GALNT9: variants seen among roughly 807,000 people sequenced by gnomAD.
GALNT9 encodes the protein GalNAc transferase 9.
A neutral mutation model predicts 63.1 loss-of-function variants in GALNT9; 47 were observed. That is an observed-to-expected ratio of 0.75 (90% confidence interval 0.59 to 0.95). GALNT9 has a LOEUF of 0.95. Among genes scored for constraint, GALNT9 ranks in the 40% least tolerant of loss-of-function variants. GALNT9 has a pLI of 0.00. For synonymous variants in GALNT9, 396 were observed against 365.7 expected, an observed-to-expected ratio of 1.08 and a Z score of -0.94; for missense variants, 829 against 874.8, an observed-to-expected ratio of 0.95 and a Z score of 0.66.
intron 1 of GALNT9, among the ~76,000 whole-genome samples, chr12:132,305,241 GCACAGAATCGCCCAGA>G (rs1881545279): frequency 2.0e-5 from 1 of 50,788 alleles, no homozygotes; most frequent in Non-Finnish European, 3.2e-5. Flanking sequence ...CCTCACCCGG[GCACAGAATCGCCCAGA>G]CACACCCTCA....
At chr12:132,300,056 A>T (rs1359321260) in intron 1 of GALNT9, among the ~76,000 whole-genome samples, 2 of 137,620 alleles carry the variant, frequency 1.5e-5, no homozygotes, top group Non-Finnish European at 3.1e-5. Flanking sequence ...ACCACACCTA[A>T]CCCATCCCTG....
At chr12:132,277,308 G>A (rs1371137304) in intron 2 of GALNT9, 1 of 154,920 alleles carries the variant, frequency 6.5e-6, no homozygotes, top group Non-Finnish European at 1.5e-5. Flanking sequence ...GCTTGCAGGG[G>A]ATGGAAGACT....
rs1362431171 is a variant in GALNT9, at chr12:132,319,574, C to T, written c.238+9392G>A. Among the ~76,000 whole-genome samples, 1 of 152,192 alleles carries T rather than the reference C, an allele frequency of 6.6e-6. No homozygotes were observed. Among genetic ancestry groups the T allele is most frequent in the Non-Finnish European group, 1.5e-5 (1 of 68,022 alleles). On this transcript the variant is annotated intron_variant, in intron 1 of 10. Coordinates refer to ENST00000328957, the MANE Select transcript of GALNT9 (RefSeq NM_001122636.2). This position sits in a 1 kb window ranked among gnomAD's most constrained non-coding sequence, Gnocchi z 5.2. ...ACGGGAGCCAATCCTCACCCTACAT[C>T]TCCTCTTGGGTCTCTCTCTATCCGC... is the stretch of plus-strand genomic sequence containing the variant.
At chr12:132,287,048 A>C (rs2135562810) in intron 1 of GALNT9, among the ~76,000 whole-genome samples, 5 of 124,554 alleles carry the variant, frequency 4.0e-5, no homozygotes, top group East Asian at 2.4e-4. Context: ...CAGGTGTGAC[A>C]CTGAGTGAGC....
intron 5 of GALNT9, among the ~76,000 whole-genome samples, chr12:132,250,684 G>A (rs1414644283): frequency 1.5e-4 from 23 of 152,188 alleles, no homozygotes; most frequent in Admixed American, 1.0e-3. Flanking sequence ...CCAGCTACTC[G>A]GGAGGCTGAG....
chr12:132,244,024 C>G (rs73488337), intron 6 of GALNT9, among the ~76,000 whole-genome samples: 1 of 151,370 alleles, frequency 6.6e-6, no homozygotes, highest in Non-Finnish European at 1.5e-5. Flanking sequence ...TAGGGACAGA[C>G]GGGGGCAGTG....
At position 132,246,094 on chromosome 12, in the gene GALNT9, G is replaced by A. The variant is rs951532374; in HGVS notation, c.1077+1816C>T. On this transcript the variant is annotated intron_variant, in intron 6 of 10. Transcript: ENST00000328957. The surrounding 1 kb of genome is among the most constrained non-coding windows in gnomAD (Gnocchi z 4.7). Reference sequence around the variant, plus strand: ...CCTGCCCCACAGGGTGAGCATCAGGGGAGACGGTGAGAGAAGCCGACACCC... The same window carrying A: ...CCTGCCCCACAGGGTGAGCATCAGGAGAGACGGTGAGAGAAGCCGACACCC... Among the ~76,000 whole-genome samples the A allele has an allele frequency of 1.3e-5, 2 of 152,242 alleles. No individual in the cohort carries two copies. Among genetic ancestry groups the A allele is most frequent in the Non-Finnish European group, 2.9e-5 (2 of 68,034 alleles).
chr12:132,209,883 G>A (rs1876880407), intron 6 of GALNT9, among the ~76,000 whole-genome samples: 1 of 152,150 alleles, frequency 6.6e-6, no homozygotes, highest in South Asian at 2.1e-4. Flanking sequence ...CAGCCCTGGG[G>A]GCCACTCTGC....
intron 6 of GALNT9, chr12:132,240,640 G>T (rs782553001): frequency 2.2e-6 from 1 of 449,136 alleles, no homozygotes; most frequent in Non-Finnish European, 4.4e-6. Flanking sequence ...ATGGGCCTCG[G>T]ACCTGCTCCT....
At position 132,310,294 on chromosome 12, in the gene GALNT9, C is replaced by A. The variant is rs76182215; in HGVS notation, c.238+18672G>T. On this transcript the variant is annotated intron_variant, in intron 1 of 10. Coordinates refer to ENST00000328957, the MANE Select transcript of GALNT9 (RefSeq NM_001122636.2). This position sits in a 1 kb window ranked among gnomAD's most constrained non-coding sequence, Gnocchi z 4.8. The stretch of plus-strand genomic sequence containing the variant: ...GGCATTTCAGTTGGGGTCGGTAACA[C>A]GCAGAAGTAAAGGAACTGAGGCATG... Among the ~76,000 whole-genome samples the A allele has an allele frequency of 1.1e-4, 16 of 152,130 alleles. No individual in the cohort carries two copies. Among genetic ancestry groups the A allele is most frequent in the African/African-American group, 3.9e-4 (16 of 41,418 alleles).
At chr12:132,267,771 T>TCACACACACG (rs1333553754) in intron 2 of GALNT9, among the ~76,000 whole-genome samples, 13 of 124,156 alleles carry the variant, frequency 1.0e-4, no homozygotes, top group South Asian at 7.8e-4. Context: ...ACACATGCAC[T>TCACACACACG]CACACACACG....
rs1879564010 is a variant in GALNT9, at chr12:132,265,574, G to A, written c.420-2949C>T. Among the ~76,000 whole-genome samples the A allele has an allele frequency of 6.6e-6, 1 of 152,168 alleles. No homozygotes were observed. Among genetic ancestry groups the A allele is most frequent in the Admixed American group, 6.5e-5 (1 of 15,282 alleles). On this transcript the variant is annotated intron_variant, in intron 2 of 10. Coordinates refer to ENST00000328957, the MANE Select transcript of GALNT9 (RefSeq NM_001122636.2). This position sits in a 1 kb window ranked among gnomAD's most constrained non-coding sequence, Gnocchi z 5.3. ...TCCTTGTTCCCTGTGTGAAGCCCCC[G>A]GGCCCCTTTTGCAGCAGGCTTCGCA... is the stretch of plus-strand genomic sequence containing the variant.
At chr12:132,263,435 A>C (rs1210543128) in intron 2 of GALNT9, among the ~76,000 whole-genome samples, 2 of 151,810 alleles carry the variant, frequency 1.3e-5, no homozygotes, top group Non-Finnish European at 2.9e-5. Context: ...GACGGACTGC[A>C]GGAGCGGCTG....
At chr12:132,308,156 C>T (rs780446131) in intron 1 of GALNT9, among the ~76,000 whole-genome samples, 12 of 152,162 alleles carry the variant, frequency 7.9e-5, no homozygotes, top group African/African-American at 2.4e-4. Flanking sequence ...GCGTGGCCAA[C>T]GGCGCCTGGA....
Position 132,315,369 on chromosome 12 carries a change from C to T in GALNT9, c.238+13597G>A, listed in dbSNP as rs892020887. On this transcript the variant is annotated intron_variant, in intron 1 of 10. Transcript: ENST00000328957. The surrounding 1 kb of genome is among the most constrained non-coding windows in gnomAD (Gnocchi z 6.1). ...TCAGAATATAATCAGGGCGGCCTCC[C>T]CCGTGTCCACTGCAAAGTGCTCGAG... Among the ~76,000 whole-genome samples, 1 of 151,986 alleles carries T rather than the reference C, an allele frequency of 6.6e-6. No individual in the cohort carries two copies. The highest frequency in any genetic ancestry group is 2.4e-5 in the African/African-American group (1 of 41,312).
chr12:132,258,304 G>A (rs1407488789), intron 4 of GALNT9, among the ~76,000 whole-genome samples: 1 of 152,194 alleles, frequency 6.6e-6, no homozygotes, highest in East Asian at 1.9e-4. Context: ...TCATTTGCAA[G>A]AATTAATTGA....
Position 132,315,996 on chromosome 12 carries a change from C to T in GALNT9, c.238+12970G>A, listed in dbSNP as rs1207416117. Reference sequence around the variant, plus strand: ...GTGGAGGGTGGTGGGGACGCGGGGTCCTGGAGAGGGCACGGCAGGCAGGCA... The same window carrying T: ...GTGGAGGGTGGTGGGGACGCGGGGTTCTGGAGAGGGCACGGCAGGCAGGCA... On this transcript the variant is annotated intron_variant, in intron 1 of 10. Coordinates refer to ENST00000328957, the MANE Select transcript of GALNT9 (RefSeq NM_001122636.2). This position sits in a 1 kb window ranked among gnomAD's most constrained non-coding sequence, Gnocchi z 6.1. Among the ~76,000 whole-genome samples the T allele has an allele frequency of 6.6e-6, 1 of 152,188 alleles. No individual in the cohort carries two copies. The highest frequency in any genetic ancestry group is 1.9e-4 in the East Asian group (1 of 5,198).
intron 1 of GALNT9, among the ~76,000 whole-genome samples, chr12:132,291,703 A>T (rs1175129848): frequency 1.4e-5 from 2 of 145,148 alleles, no homozygotes; most frequent in Non-Finnish European, 3.1e-5. Context: ...GCCCACATCC[A>T]TGGCGCACAC....
chr12:132,287,659 T>A (rs547364015), intron 1 of GALNT9, among the ~76,000 whole-genome samples: 6 of 151,414 alleles, frequency 4.0e-5, no homozygotes, highest in African/African-American at 1.5e-4. Flanking sequence ...GACCCCGGGG[T>A]GGGGCAGTGT....
Sources: allele counts gnomAD v4.1 joint callset (sites outside exome capture counted in the v4.1 genomes callset), GRCh38; gene constraint gnomAD v4.1.1; non-coding constraint Gnocchi (gnomAD v3.1); transcripts MANE v1.5; gene names NCBI Gene and HGNC (gene_info 2026-07-23, HGNC 2026-07-21).